ADIPOR2: variants seen among roughly 807,000 people sequenced by gnomAD.
ADIPOR2 encodes the protein adiponectin receptor protein 2.
Under a neutral mutation model 40.9 loss-of-function variants are expected in ADIPOR2, and 18 were observed. The ratio of observed to expected loss-of-function variants is 0.44; its 90% CI spans 0.30 to 0.65. The LOEUF is 0.65. Ranked by LOEUF, ADIPOR2 falls within the 30% of genes least tolerant of loss-of-function variation. ADIPOR2 has a pLI of 0.09. For missense variants in ADIPOR2, 283 were observed against 479.2 expected (o/e 0.59, Z 3.82); for synonymous variants, 165 against 166.4 (o/e 0.99, Z 0.06).
intron 2 of ADIPOR2, chr12:1,757,726 TC>T: frequency 1.5e-6 from 2 of 1,298,902 alleles, no homozygotes; most frequent in Non-Finnish European, 2.2e-6. Flanking sequence ...ACGGAAATTC[TC>T]CCCCGTCTTG....
At chr12:1,724,037 A>G (rs1388804254) in intron 1 of ADIPOR2, among the ~76,000 whole-genome samples, 1 of 151,510 alleles carries the variant, frequency 6.6e-6, no homozygotes, top group Admixed American at 6.6e-5. Flanking sequence ...GCTGAAGTGC[A>G]ATGGTGTGAT....
chr12:1,717,539 C>G (rs2094690087), intron 1 of ADIPOR2, among the ~76,000 whole-genome samples: 1 of 152,098 alleles, frequency 6.6e-6, no homozygotes, highest in African/African-American at 2.4e-5. Context: ...AACCCTGTCT[C>G]TGCTAAAAAT....
At chr12:1,742,730 T>C (rs2094745707) in intron 1 of ADIPOR2, among the ~76,000 whole-genome samples, 1 of 152,202 alleles carries the variant, frequency 6.6e-6, no homozygotes, top group East Asian at 1.9e-4. Context: ...GTTACTATAC[T>C]GTATTGTTTA....
At position 1,780,573 on chromosome 12, in the gene ADIPOR2, TC is replaced by T; in HGVS notation, c.587del (p.Ser196PhefsTer31). The T allele has an allele frequency of 6.2e-7, 1 of 1,613,868 alleles. No individual in the cohort carries two copies. On this transcript the variant is annotated frameshift_variant, in exon 5 of 8. Coordinates refer to ENST00000357103, the MANE Select transcript of ADIPOR2 (RefSeq NM_024551.3). LOFTEE classifies it high-confidence loss of function. ...LFFLGAILCLSFSWLFHTVYC... is the reference protein window; with the variant it reads ...LFFLGAILCLXFSWLFHTVYC... ...TTTCTTAGGAGCCATTCTCTGCCTT[TC>T]TTTTTCATGGCTCTTCCACACAGTC...
chr12:1,711,634 C>CTCTCTCTT (rs1459621173), intron 1 of ADIPOR2, among the ~76,000 whole-genome samples: 1 of 79,142 alleles, frequency 1.3e-5, no homozygotes, highest in African/African-American at 6.1e-5. Flanking sequence ...CTCTCTCTCT[C>CTCTCTCTT]TCTCTCTTTC....
In ADIPOR2 at chr12:1,786,342, T is replaced by C; in HGVS notation, c.*270T>C. On this transcript the variant is annotated 3_prime_UTR_variant, in exon 8 of 8. Transcript: ENST00000357103. ...TTCTTGGGATCTACTGATTGCGGGC[T>C]CTGCAAGACCCTTGGCAAACTGGCT... The C allele has an allele frequency of 2.6e-6, 1 of 382,866 alleles. No homozygotes were observed. The highest frequency in any genetic ancestry group is 4.7e-6 in the Non-Finnish European group (1 of 213,974). 23.7% of individuals were successfully genotyped at this position (382,866 alleles called of 1,614,324 possible). A position where few individuals can be genotyped will look rare whatever the true frequency, so the allele number is the denominator to read the frequency against.
At chr12:1,760,974 A>T (rs770461930) in intron 2 of ADIPOR2, 1 of 152,216 alleles carries the variant, frequency 6.6e-6, no homozygotes, top group African/African-American at 2.4e-5. Context: ...CACAGATCAC[A>T]AGAAGCGTGA....
chr12:1,731,485 A>G (rs1275910189), intron 1 of ADIPOR2, among the ~76,000 whole-genome samples: 1 of 152,134 alleles, frequency 6.6e-6, no homozygotes, highest in African/African-American at 2.4e-5. Flanking sequence ...ATCAGAAACT[A>G]TGCGCATTAT....
intron 6 of ADIPOR2, among the ~76,000 whole-genome samples, chr12:1,782,479 G>T (rs909262898): frequency 6.6e-6 from 1 of 152,130 alleles, no homozygotes; most frequent in Admixed American, 6.5e-5. Context: ...TGATACACGG[G>T]TTTCAAAGTG....
At position 1,756,100 on chromosome 12, in the gene ADIPOR2, G is replaced by A. The variant is rs906157765; in HGVS notation, c.171+1586G>A. ...CCTCCTGCCTCCCACCACCACCTGCGCCTGCTTGTATCATCTTTCTCTTCT... is the reference window on the plus strand; with the variant it reads ...CCTCCTGCCTCCCACCACCACCTGCACCTGCTTGTATCATCTTTCTCTTCT... On this transcript the variant is annotated intron_variant, in intron 2 of 7. Transcript: ENST00000357103. Among the ~76,000 whole-genome samples, 26 of 151,760 alleles carry A rather than the reference G, an allele frequency of 1.7e-4. No individual in the cohort carries two copies. In the East Asian group the frequency reaches 4.5e-3, roughly 26 times the overall value.
In ADIPOR2 at chr12:1,738,340, ACTACTGTG is replaced by A. The variant is rs569581016; in HGVS notation, c.-86-15916_-86-15909del. ...AGGCTGCAGTATGAGCTGTGATTGC[ACTACTGTG>A]CCCAGCTTGGGTGACAGAGTGAGAC... On this transcript the variant is annotated intron_variant, in intron 1 of 7. Coordinates refer to ENST00000357103, the MANE Select transcript of ADIPOR2 (RefSeq NM_024551.3). Among the ~76,000 whole-genome samples, 511 of 152,192 alleles carry A rather than the reference ACTACTGTG, an allele frequency of 3.4e-3. 3 individuals carry two copies. Among genetic ancestry groups the A allele is most frequent in the African/African-American group, 0.011 (470 of 41,528 alleles).
At chr12:1,722,045 T>C (rs1315653587) in intron 1 of ADIPOR2, among the ~76,000 whole-genome samples, 1 of 152,204 alleles carries the variant, frequency 6.6e-6, no homozygotes, top group Non-Finnish European at 1.5e-5. Flanking sequence ...TGAAAAAGAT[T>C]ACTGTCGCTG....
chr12:1,695,293 C>T (rs536367285), intron 1 of ADIPOR2, among the ~76,000 whole-genome samples: 1 of 146,738 alleles, frequency 6.8e-6, no homozygotes, highest in South Asian at 2.2e-4. Context: ...AGTTTGAGAC[C>T]AGTCTGGGCA....
At chr12:1,781,493 GATA>G (rs1862719394) in intron 6 of ADIPOR2, among the ~76,000 whole-genome samples, 1 of 152,070 alleles carries the variant, frequency 6.6e-6, no homozygotes, top group South Asian at 2.1e-4. Flanking sequence ...TTTTATAATG[GATA>G]ATCTGCTTAA....
At position 1,721,205 on chromosome 12, in the gene ADIPOR2, CTTTTTTTTTTTTT is replaced by C. The variant is rs59268943; in HGVS notation, c.-87+30032_-87+30044del. Reference sequence around the variant, plus strand: ...CTCAACCTAGGCAAAATAAAATAAACTTTTTTTTTTTTTTTTTTTTTTTTTTTTTTGAGGTGGA... The same window carrying C: ...CTCAACCTAGGCAAAATAAAATAAACTTTTTTTTTTTTTTTTTGAGGTGGA... On this transcript the variant is annotated intron_variant, in intron 1 of 7. Coordinates refer to ENST00000357103, the MANE Select transcript of ADIPOR2 (RefSeq NM_024551.3). Among the ~76,000 whole-genome samples the C allele has an allele frequency of 1.9e-4, 11 of 58,208 alleles. No homozygotes were observed. In the South Asian group the frequency reaches 3.1e-3, roughly 16 times the overall value. The allele number at this position is 58,208 out of a possible 152,430, so 38.2% of individuals were successfully genotyped here.
chr12:1,769,577 G>T (rs1337204258), intron 2 of ADIPOR2, among the ~76,000 whole-genome samples: 1 of 152,146 alleles, frequency 6.6e-6, no homozygotes, highest in Non-Finnish European at 1.5e-5. Flanking sequence ...TGTTTCTCTT[G>T]TTGCCCAGGC....
chr12:1,761,653 C>T (rs1041306740), intron 2 of ADIPOR2, among the ~76,000 whole-genome samples: 1 of 152,132 alleles, frequency 6.6e-6, no homozygotes, highest in Non-Finnish European at 1.5e-5. Flanking sequence ...AAGTATTAAC[C>T]TCTTTGAGGA....
rs545999174 is a variant in ADIPOR2 at position 1,734,938 on chromosome 12, C to T, written c.-86-19320C>T. 2.1e-4 allele frequency among the ~76,000 whole-genome samples: 32 copies of T among 152,012 alleles called. 1 individual carries two copies. The South Asian group carries it at 6.4e-3, about 31-fold the overall frequency. On this transcript the variant is annotated intron_variant, in intron 1 of 7. Transcript: ENST00000357103. ...AGATATGCGGCACTATTTCTGAGGG[C>T]TCTGTTCTGGTCTATATCTCTGTTT...
chr12:1,770,489 T>C (rs1862475124), intron 2 of ADIPOR2, among the ~76,000 whole-genome samples: 1 of 152,188 alleles, frequency 6.6e-6, no homozygotes, highest in African/African-American at 2.4e-5. Flanking sequence ...TTAAAATCGG[T>C]CTGCTATAAT....
Sources: gnomAD v4.1 joint callset for allele counts (sites outside exome capture counted in the v4.1 genomes callset) on GRCh38, gnomAD v4.1.1 for gene constraint, MANE v1.5 for transcripts, NCBI Gene and HGNC (gene_info 2026-07-23, HGNC 2026-07-21) for gene names.